The following OSBPL10 variants were observed in gnomAD, a reference collection of about 807,000 sequenced individuals.
OSBPL10 encodes oxysterol-binding protein-related protein 10.
In OSBPL10, 49 loss-of-function variants were observed where a neutral mutation model predicts 81.7. That is an observed-to-expected ratio of 0.60 (90% CI 0.48 to 0.76). The LOEUF is 0.76. Ranked by LOEUF, OSBPL10 falls within the 30% of genes least tolerant of loss-of-function variation. OSBPL10 has a pLI of 0.00. For missense variants in OSBPL10, 923 were observed against 987.8 expected, an observed-to-expected ratio of 0.93 and a Z score of 0.88; for synonymous variants, 419 against 383.6, an observed-to-expected ratio of 1.09 and a Z score of -1.08.
chr3:31,768,838 T>G (rs557244521), intron 4 of OSBPL10, among the ~76,000 whole-genome samples: 3 of 152,200 alleles, frequency 2.0e-5, no homozygotes, highest in Non-Finnish European at 4.4e-5. Flanking sequence ...CTCCATTTAT[T>G]TCACAAACAA....
At position 31,970,909 on chromosome 3, in the gene OSBPL10, T is replaced by A. The variant is rs73061497; in HGVS notation, c.281+9990A>T. Among the ~76,000 whole-genome samples the A allele has an allele frequency of 6.2e-3, 942 of 152,286 alleles. 1 individual carries two copies. The highest frequency in any genetic ancestry group is 0.011 in the Non-Finnish European group (770 of 68,018). ...TATCTCCTTTCATGCCTCCAAACATTTGTACTCACAGAGCCTTCTACCAGG... is the reference window on the plus strand; with the variant it reads ...TATCTCCTTTCATGCCTCCAAACATATGTACTCACAGAGCCTTCTACCAGG... On this transcript the variant is annotated intron_variant, in intron 1 of 11. Coordinates refer to ENST00000396556, the MANE Select transcript of OSBPL10 (RefSeq NM_017784.5).
At chr3:31,837,506 T>C (rs1041073932) in intron 3 of OSBPL10, among the ~76,000 whole-genome samples, 3 of 151,380 alleles carry the variant, frequency 2.0e-5, no homozygotes, top group Admixed American at 6.6e-5. Flanking sequence ...AACCATCATA[T>C]TTAAGTCATA....
intron 4 of OSBPL10, among the ~76,000 whole-genome samples, chr3:31,783,111 T>TTATATATATATA (rs56846176): frequency 2.0e-3 from 249 of 121,518 alleles, no homozygotes; most frequent in African/African-American, 2.8e-3. Context: ...AATATATCTA[T>TTATATATATATA]TATATATATA....
At position 31,990,391 on chromosome 3, in the gene OSBPL10, C is replaced by T. The variant is rs761303546; in HGVS notation, n.298+56100G>A. On this transcript the variant is annotated intron_variant and non_coding_transcript_variant, in intron 2 of 3. Transcript: ENST00000479173. ...TAAATGTGGCAAATTTTTTAGACGT[C>T]GTTCATATCTCGTAGTTCATTGGCG... 2.9e-5 allele frequency: 47 copies of T among 1,613,694 alleles called. No homozygotes were observed. Among genetic ancestry groups the T allele is most frequent in the Middle Eastern group, 1.6e-4 (1 of 6,080 alleles).
intron 1 of OSBPL10, among the ~76,000 whole-genome samples, chr3:31,952,001 T>C (rs1019226224): frequency 6.6e-6 from 1 of 152,218 alleles, no homozygotes; most frequent in African/African-American, 2.4e-5. Context: ...CTATAATCTG[T>C]GCCTTCCATG....
At chr3:31,853,554 G>A (rs1412311219) in intron 3 of OSBPL10, among the ~76,000 whole-genome samples, 1 of 152,168 alleles carries the variant, frequency 6.6e-6, no homozygotes, top group Non-Finnish European at 1.5e-5. Flanking sequence ...TGAATGGAAG[G>A]AAGAAAGGAT....
chr3:32,047,229 A>G (rs1374441769), intron 1 of OSBPL10, among the ~76,000 whole-genome samples: 3 of 152,034 alleles, frequency 2.0e-5, no homozygotes, highest in Non-Finnish European at 4.4e-5. Context: ...CACTCTCCTC[A>G]GCCTCCCAAA....
intron 1 of OSBPL10, among the ~76,000 whole-genome samples, chr3:32,051,165 G>A (rs1699666874): frequency 6.6e-6 from 1 of 152,076 alleles, no homozygotes; most frequent in African/African-American, 2.4e-5. Context: ...GCACACATGA[G>A]AGGACCTAAG....
At chr3:32,041,130 A>AC in intron 2 of OSBPL10, among the ~76,000 whole-genome samples, 1 of 151,934 alleles carries the variant, frequency 6.6e-6, no homozygotes. Context: ...TGCCACATAC[A>AC]CCCCATGCCA....
upstream of OSBPL10, chr3:31,981,317 G>C (rs1698838325): frequency 8.0e-7 from 1 of 1,249,396 alleles, no homozygotes; most frequent in Admixed American, 4.3e-5. The surrounding 1 kb of genome is among the most constrained non-coding windows in gnomAD (Gnocchi z 4.5). Flanking sequence ...ACTCATACAG[G>C]AGGAAGAGGA....
intron 1 of OSBPL10, among the ~76,000 whole-genome samples, chr3:31,925,826 A>C (rs1376834883): frequency 6.6e-6 from 1 of 152,184 alleles, no homozygotes; most frequent in East Asian, 1.9e-4. Context: ...AAAAAAGATA[A>C]AAATAAAAAT....
intron 4 of OSBPL10, among the ~76,000 whole-genome samples, chr3:31,788,692 C>T (rs1027430094): frequency 6.6e-6 from 1 of 152,140 alleles, no homozygotes; most frequent in Non-Finnish European, 1.5e-5. Flanking sequence ...GCAGGAGGAT[C>T]ACTTGAGCCC....
At chr3:31,811,965 T>C (rs1699692690) in intron 4 of OSBPL10, among the ~76,000 whole-genome samples, 1 of 152,214 alleles carries the variant, frequency 6.6e-6, no homozygotes, top group Non-Finnish European at 1.5e-5. Context: ...AGAAGTTACA[T>C]CTGAACCAAT....
intron 5 of OSBPL10, among the ~76,000 whole-genome samples, chr3:31,737,916 C>T (rs1158974888): frequency 6.6e-6 from 1 of 151,484 alleles, no homozygotes; most frequent in Non-Finnish European, 1.5e-5. Flanking sequence ...CACTTGAACC[C>T]GGGAGGCAGA....
intron 2 of OSBPL10, among the ~76,000 whole-genome samples, chr3:32,028,771 T>C (rs1056231889): frequency 9.9e-5 from 15 of 152,090 alleles, no homozygotes; most frequent in Admixed American, 2.0e-4. Context: ...GGCTAAGAAA[T>C]CTGCCCCTTT....
chr3:31,662,809 A>G (rs1412540206), intron 11 of OSBPL10: 8 of 985,324 alleles, frequency 8.1e-6, no homozygotes, highest in Non-Finnish European at 9.6e-6. Context: ...CACAGAAGCC[A>G]GACAAACTAG....
intron 7 of OSBPL10, among the ~76,000 whole-genome samples, chr3:31,695,426 TG>T (rs1476590013): frequency 6.6e-6 from 1 of 152,164 alleles, no homozygotes; most frequent in African/African-American, 2.4e-5. Context: ...CCAGCACCTT[TG>T]ACCCATTGAC....
chr3:31,792,740 AGTGT>A (rs10575874), intron 4 of OSBPL10, among the ~76,000 whole-genome samples: 19,938 of 133,480 alleles, frequency 0.15, 1,433 homozygotes, highest in Non-Finnish European at 0.18. Flanking sequence ...CCAGACACAG[AGTGT>A]GTGTGTGTGT....
chr3:31,967,422 A>G (rs1162600139), intron 1 of OSBPL10, among the ~76,000 whole-genome samples: 1 of 152,086 alleles, frequency 6.6e-6, no homozygotes, highest in Non-Finnish European at 1.5e-5. Flanking sequence ...TGAGGCTACA[A>G]TGAGCTGTGA....
Sources: gnomAD v4.1 joint callset for allele counts (sites outside exome capture counted in the v4.1 genomes callset) on GRCh38, gnomAD v4.1.1 for gene constraint, Gnocchi (gnomAD v3.1) non-coding constraint, MANE v1.5 for transcripts, NCBI Gene and HGNC (gene_info 2026-07-23, HGNC 2026-07-21) for gene names.